The following NRXN3 variants were observed in gnomAD, a reference collection of about 807,000 sequenced individuals.
NRXN3 encodes the protein neurexin 3.
In NRXN3, 32 loss-of-function variants were observed where a neutral mutation model predicts 137.6. The ratio of observed to expected loss-of-function variants is 0.23; its 90% CI spans 0.18 to 0.31. The LOEUF is 0.31. Among genes scored for constraint, NRXN3 ranks in the 10% least tolerant of loss-of-function variants. The pLI is 1.00. For synonymous variants in NRXN3, 798 were observed against 784.5 expected (o/e 1.02, Z -0.29); for missense variants, 1,574 against 2,062.5 (o/e 0.76, Z 4.59).
At chr14:79,617,930 A>AAAAAAAAAAAAAAAAAAAAAAAAAG (rs1385000688) in intron 16 of NRXN3, among the ~76,000 whole-genome samples, 1 of 148,732 alleles carries the variant, frequency 6.7e-6, no homozygotes, top group African/African-American at 2.6e-5. Flanking sequence ...AAAAAAAAAA[A>AAAAAAAAAAAAAAAAAAAAAAAAAG]AACATGCTTA....
intron 15 of NRXN3, among the ~76,000 whole-genome samples, chr14:79,039,721 C>T (rs1043767825): frequency 2.0e-5 from 3 of 152,064 alleles, no homozygotes; most frequent in Non-Finnish European, 2.9e-5. Context: ...GGGTCTTGCT[C>T]TGTTGCCCAG....
intron 4 of NRXN3, among the ~76,000 whole-genome samples, chr14:78,358,092 T>C (rs1343045972): frequency 3.3e-5 from 5 of 152,176 alleles, no homozygotes; most frequent in African/African-American, 1.2e-4. Flanking sequence ...CTACTCTTAC[T>C]GGTTTTTGGG....
intron 15 of NRXN3, among the ~76,000 whole-genome samples, chr14:79,178,812 C>G (rs552386141): frequency 5.3e-5 from 8 of 152,228 alleles, no homozygotes; most frequent in Admixed American, 5.2e-4. Flanking sequence ...TACTGGAAAC[C>G]AAGTGATAAG....
intron 15 of NRXN3, among the ~76,000 whole-genome samples, chr14:79,448,776 T>C (rs1344742075): frequency 6.6e-6 from 1 of 152,186 alleles, no homozygotes; most frequent in Non-Finnish European, 1.5e-5. Flanking sequence ...TTCGTATACA[T>C]GCGTGTACAT....
chr14:78,869,820 A>G (rs757134897), intron 10 of NRXN3, among the ~76,000 whole-genome samples: 11 of 152,062 alleles, frequency 7.2e-5, no homozygotes, highest in Non-Finnish European at 1.5e-5. Context: ...GGAAAGTTTT[A>G]TTTAGGACCA....
chr14:78,947,223 T>A (rs143396178), intron 10 of NRXN3, among the ~76,000 whole-genome samples: 107 of 152,296 alleles, frequency 7.0e-4, no homozygotes, highest in African/African-American at 2.6e-3. Context: ...GCTAATGCCA[T>A]CAAGCTCATA....
At chr14:78,651,491 G>A (rs561291054) in intron 6 of NRXN3, among the ~76,000 whole-genome samples, 165 bp downstream of exon 6, 153 of 152,248 alleles carry the variant, frequency 1.0e-3, no homozygotes, top group Non-Finnish European at 1.8e-3. Flanking sequence ...TTTCATTCCC[G>A]CTTAAGCTGG....
chr14:79,209,849 A>T (rs2067376364), intron 15 of NRXN3, among the ~76,000 whole-genome samples: 1 of 152,204 alleles, frequency 6.6e-6, no homozygotes, highest in Non-Finnish European at 1.5e-5. Context: ...ATTTATGCAC[A>T]GCTATTAGTC....
rs2091449237 is a variant in NRXN3, at chr14:78,396,287, T to C, written c.757+98427T>C. 2.0e-5 allele frequency among the ~76,000 whole-genome samples: 3 copies of C among 152,116 alleles called. No individual in the cohort carries two copies. In the South Asian group the frequency reaches 6.2e-4, roughly 31 times the overall value. ...CTTTATGACTCTTTACCCTCCCCTA[T>C]TTATAATTTTAAATATTTTGCCTAC... On this transcript the variant is annotated intron_variant, in intron 4 of 20. Transcript: ENST00000335750.
intron 15 of NRXN3, among the ~76,000 whole-genome samples, chr14:79,101,751 G>A (rs1246446611): frequency 1.3e-5 from 2 of 152,216 alleles, no homozygotes; most frequent in Admixed American, 6.5e-5. Flanking sequence ...TCCTGTGAGT[G>A]TGACCTTATT....
chr14:79,409,458 ACATATACATATATAGGAATC>A (rs1240642702), intron 15 of NRXN3, among the ~76,000 whole-genome samples: 1 of 150,498 alleles, frequency 6.6e-6, no homozygotes, highest in South Asian at 2.1e-4. Flanking sequence ...GTATATGTAT[ACATATACATATATAGGAATC>A]CTATATATGT....
intron 15 of NRXN3, among the ~76,000 whole-genome samples, chr14:78,993,696 A>G (rs1296257163): frequency 6.6e-6 from 1 of 152,140 alleles, no homozygotes; most frequent in Non-Finnish European, 1.5e-5. Context: ...AAAGACACAT[A>G]TGAAGGTGCT....
intron 10 of NRXN3, among the ~76,000 whole-genome samples, chr14:78,853,081 A>G (rs2099047264): frequency 6.6e-6 from 1 of 151,898 alleles, no homozygotes. Flanking sequence ...TTTTTTTACT[A>G]TTATACTTTA....
At chr14:78,408,138 A>G (rs985305152) in intron 4 of NRXN3, among the ~76,000 whole-genome samples, 1 of 152,164 alleles carries the variant, frequency 6.6e-6, no homozygotes, top group Admixed American at 6.5e-5. Context: ...TTCATGTGAA[A>G]CAAACTGTTT....
At chr14:79,788,864 G>A (rs914167699) in intron 19 of NRXN3, among the ~76,000 whole-genome samples, 2 of 151,936 alleles carry the variant, frequency 1.3e-5, no homozygotes, top group African/African-American at 4.8e-5. Context: ...TGTTTGGGTT[G>A]GACCTTAAAA....
intron 4 of NRXN3, among the ~76,000 whole-genome samples, chr14:78,458,510 A>G (rs1334617553): frequency 6.6e-6 from 1 of 152,170 alleles, no homozygotes; most frequent in African/African-American, 2.4e-5. Flanking sequence ...GTGTGAAATC[A>G]TATTCTTCAC....
In NRXN3 at chr14:79,274,354, C is replaced by T. The variant is rs904910365; in HGVS notation, c.3263-192867C>T. Among the ~76,000 whole-genome samples, 5 of 152,272 alleles carry T rather than the reference C, an allele frequency of 3.3e-5. No homozygotes were observed. The South Asian group carries it at 1.0e-3, about 32-fold the overall frequency. On this transcript the variant is annotated intron_variant, in intron 15 of 20. Coordinates refer to ENST00000335750, the MANE Select transcript of NRXN3 (RefSeq NM_001330195.2). ...GTACCAAAAAAATAAAAAGTATTCT[C>T]TAAATCTTTAATATTTTATCCTAGA...
chr14:78,636,902 AT>A (rs1566945152), intron 4 of NRXN3, among the ~76,000 whole-genome samples: 1 of 152,026 alleles, frequency 6.6e-6, no homozygotes, highest in African/African-American at 2.4e-5. Flanking sequence ...ATAAATTATT[AT>A]AAGTGGGAAG....
intron 10 of NRXN3, among the ~76,000 whole-genome samples, chr14:78,850,407 G>T (rs2099039399): frequency 6.6e-6 from 1 of 152,090 alleles, no homozygotes; most frequent in Admixed American, 6.6e-5. Context: ...TAGCCCAGGG[G>T]TTAAAACTAA....
Sources: gnomAD v4.1 joint callset for allele counts (sites outside exome capture counted in the v4.1 genomes callset) on GRCh38, gnomAD v4.1.1 for gene constraint, MANE v1.5 for transcripts, NCBI Gene and HGNC (gene_info 2026-07-23, HGNC 2026-07-21) for gene names.